Variants in AKT3 observed in about 807,000 individuals in gnomAD.
AKT3 encodes the protein AKT serine/threonine kinase 3.
AKT3 carries 15 observed loss-of-function variants against 65.3 expected under a neutral mutation model. The observed-to-expected ratio is 0.23, with a 90% CI of 0.15 to 0.35. The LOEUF (loss-of-function observed/expected upper bound fraction) is 0.35. Ranked by LOEUF, AKT3 falls within the 10% of genes least tolerant of loss-of-function variation. The probability of loss-of-function intolerance (pLI) is 1.00; values close to 1 mark genes in which losing one functional copy is unlikely to be tolerated. For missense variants in AKT3, 243 were observed against 576.5 expected (o/e 0.42, Z 5.92); for synonymous variants, 206 against 183.8 (o/e 1.12, Z -0.98).
chr1:243,590,951 TG>T (rs1425632481), intron 8 of AKT3, among the ~76,000 whole-genome samples: 1 of 152,186 alleles, frequency 6.6e-6, no homozygotes, highest in African/African-American at 2.4e-5. Flanking sequence ...TTACTCCAGC[TG>T]GATACCTAGA....
At chr1:243,795,464 T>TG (rs1448639928) in intron 2 of AKT3, among the ~76,000 whole-genome samples, 5,654 of 96,342 alleles carry the variant, frequency 0.059, 298 homozygotes, top group African/African-American at 0.14. Context: ...TTTTTTTTGT[T>TG]TTTTTTTTTT....
intron 8 of AKT3, among the ~76,000 whole-genome samples, chr1:243,610,862 T>C (rs1000014692): frequency 3.9e-5 from 6 of 152,248 alleles, no homozygotes; most frequent in African/African-American, 1.4e-4. Flanking sequence ...CTTCTATTAA[T>C]GCCCATATTG....
rs755523335 is a variant in AKT3 at position 243,613,677 on chromosome 1, C to T, written c.690G>A (p.Gly230=). Residue 230 remains glycine, a synonymous_variant, in exon 8 of 14, where the codon GGG becomes GGA. Coordinates refer to ENST00000673466, the MANE Select transcript of AKT3 (RefSeq NM_005465.7). Reference sequence around the variant, plus strand: ...GATTTACTTCTTGACTCACCTCGCCCCCATTAACATATTCCATCACAAAAC... The same window carrying T: ...GATTTACTTCTTGACTCACCTCGCCTCCATTAACATATTCCATCACAAAAC... ...RLCFVMEYVN[G]GELFFHLSRE... is the part of the protein sequence containing the mutation. 2.5e-6 allele frequency: 4 copies of T among 1,592,822 alleles called. No homozygotes were observed. The highest frequency in any genetic ancestry group is 2.3e-5 in the East Asian group (1 of 44,166).
chr1:243,651,301 A>C (rs1199237076), intron 4 of AKT3, among the ~76,000 whole-genome samples: 1 of 152,198 alleles, frequency 6.6e-6, no homozygotes, highest in Non-Finnish European at 1.5e-5. Context: ...GGGCTGAGAC[A>C]ACGGGGTTTT....
At chr1:243,790,868 A>G (rs1488845274) in intron 2 of AKT3, among the ~76,000 whole-genome samples, 2 of 152,168 alleles carry the variant, frequency 1.3e-5, no homozygotes, top group Non-Finnish European at 2.9e-5. Flanking sequence ...AAGAACATAC[A>G]CATTTATTAA....
In AKT3 at chr1:243,503,265, C is replaced by A. The variant is rs1669440777; in HGVS notation, c.*1984G>T. 2 of 233,592 alleles carry A rather than the reference C, an allele frequency of 8.6e-6. No homozygotes were observed. Among genetic ancestry groups the A allele is most frequent in the East Asian group, 6.0e-5 (1 of 16,604 alleles). The allele number at this position is 233,592 out of a possible 1,614,324, so 14.5% of individuals were successfully genotyped here. On this transcript the variant is annotated 3_prime_UTR_variant, in exon 14 of 14. Transcript: ENST00000673466. ...GCTGCCTTAGTAAAATGCCCTTTAA[C>A]CCCCGTCAGTCCCAGTGGCCCACCC...
chr1:243,766,851 T>TAG (rs1238241039), intron 2 of AKT3, among the ~76,000 whole-genome samples: 2 of 152,146 alleles, frequency 1.3e-5, no homozygotes, highest in Non-Finnish European at 2.9e-5. Context: ...CTGAAGTAGG[T>TAG]AGAAGATATG....
At chr1:243,517,866 T>C (rs1256038752) in intron 12 of AKT3, among the ~76,000 whole-genome samples, 12 of 152,240 alleles carry the variant, frequency 7.9e-5, no homozygotes, top group Non-Finnish European at 2.9e-5. Flanking sequence ...CTCTGGAACT[T>C]TGTGTTGCAC....
At chr1:243,703,416 G>C (rs1240177005) in intron 2 of AKT3, among the ~76,000 whole-genome samples, 2 of 152,194 alleles carry the variant, frequency 1.3e-5, no homozygotes, top group East Asian at 3.9e-4. Flanking sequence ...GAGAATCAAA[G>C]AAATGTGCTT....
At chr1:243,629,985 T>C (rs1452684016) in intron 6 of AKT3, among the ~76,000 whole-genome samples, 2 of 152,080 alleles carry the variant, frequency 1.3e-5, no homozygotes, top group Admixed American at 6.5e-5. Context: ...CCCACTCCCA[T>C]ATATAGTTGG....
chr1:243,548,725 ATGT>A (rs1672841572), intron 11 of AKT3, among the ~76,000 whole-genome samples: 1 of 152,204 alleles, frequency 6.6e-6, no homozygotes, highest in South Asian at 2.1e-4. Context: ...CATTTTCCTA[ATGT>A]TACTGAATAC....
chr1:243,775,246 T>A, intron 2 of AKT3, among the ~76,000 whole-genome samples: 1 of 152,108 alleles, frequency 6.6e-6, no homozygotes, highest in South Asian at 2.1e-4. Flanking sequence ...AATGGCTCAA[T>A]CTCGGCTCAC....
chr1:243,690,611 T>C (rs1684627568), intron 3 of AKT3, among the ~76,000 whole-genome samples: 1 of 152,088 alleles, frequency 6.6e-6, no homozygotes, highest in African/African-American at 2.4e-5. Context: ...GCTATCCACA[T>C]TCTACAGGCC....
At chr1:243,652,044 ATTCTTT>A (rs1415164034) in intron 4 of AKT3, among the ~76,000 whole-genome samples, 2 of 120,592 alleles carry the variant, frequency 1.7e-5, no homozygotes, top group Non-Finnish European at 3.5e-5. Flanking sequence ...AGAGAAAAGA[ATTCTTT>A]TTTTTTTTTT....
rs528703335 is a variant in AKT3, at chr1:243,696,203, A to G, written c.47-487T>C. On this transcript the variant is annotated intron_variant, in intron 2 of 13. Transcript: ENST00000673466. ...ATTTTCATTAATAAATCTTGACTGTAACTTGTTTAAGCAACATTTTATTGT... is the reference window on the plus strand; with the variant it reads ...ATTTTCATTAATAAATCTTGACTGTGACTTGTTTAAGCAACATTTTATTGT... Among the ~76,000 whole-genome samples, 12 of 152,018 alleles carry G rather than the reference A, an allele frequency of 7.9e-5. No homozygotes were observed. In the East Asian group the frequency reaches 2.3e-3, roughly 29 times the overall value.
rs529819455 is a variant in AKT3 at position 243,714,245 on chromosome 1, T to C, written c.47-18529A>G. 3.9e-5 allele frequency among the ~76,000 whole-genome samples: 6 copies of C among 152,328 alleles called. No individual in the cohort carries two copies. In the South Asian group the frequency reaches 1.2e-3, roughly 32 times the overall value. ...TGAATATCTGATACTCAAGATAAGTTGTGTGTAATTAGCAAGAGAACTGCC... is the reference window on the plus strand; with the variant it reads ...TGAATATCTGATACTCAAGATAAGTCGTGTGTAATTAGCAAGAGAACTGCC... On this transcript the variant is annotated intron_variant, in intron 2 of 13. Coordinates refer to ENST00000673466, the MANE Select transcript of AKT3 (RefSeq NM_005465.7).
intron 2 of AKT3, among the ~76,000 whole-genome samples, chr1:243,795,751 G>A (rs888226906): frequency 1.3e-5 from 2 of 152,034 alleles, no homozygotes; most frequent in African/African-American, 2.4e-5. Context: ...GATTACAGGC[G>A]TGAGCCACCG....
At chr1:243,764,041 T>G (rs957536684) in intron 2 of AKT3, among the ~76,000 whole-genome samples, 1 of 152,090 alleles carries the variant, frequency 6.6e-6, no homozygotes, top group Non-Finnish European at 1.5e-5. Flanking sequence ...TCACTGCCGA[T>G]ATTTCTGAAT....
intron 8 of AKT3, among the ~76,000 whole-genome samples, chr1:243,592,340 A>T (rs1269937102): frequency 6.6e-6 from 1 of 152,068 alleles, no homozygotes; most frequent in African/African-American, 2.4e-5. Flanking sequence ...GTCTCAAAAA[A>T]AAAAAAGACA....
Sources: gnomAD v4.1 joint callset for allele counts (sites outside exome capture counted in the v4.1 genomes callset) on GRCh38, gnomAD v4.1.1 for gene constraint, MANE v1.5 for transcripts, NCBI Gene and HGNC (gene_info 2026-07-23, HGNC 2026-07-21) for gene names.